Variants in NBEA observed in about 807,000 individuals in gnomAD.
NBEA encodes lysosomal-trafficking regulator 2.
In NBEA, 44 loss-of-function variants were observed where a neutral mutation model predicts 343.4. The observed-to-expected ratio is 0.13, with a 90% CI of 0.10 to 0.16. The LOEUF (loss-of-function observed/expected upper bound fraction) is 0.16. Ranked by LOEUF, NBEA falls within the 10% of genes least tolerant of loss-of-function variation. The pLI is 1.00. For missense variants in NBEA, 2,555 were observed against 3,631.3 expected, an observed-to-expected ratio of 0.70 and a Z score of 7.62; for synonymous variants, 1,175 against 1,238.7, an observed-to-expected ratio of 0.95 and a Z score of 1.08.
intron 33 of NBEA, among the ~76,000 whole-genome samples, chr13:35,227,365 A>G (rs2074712455): frequency 6.6e-6 from 1 of 152,050 alleles, no homozygotes; most frequent in African/African-American, 2.4e-5. Flanking sequence ...AGCTGATAAG[A>G]ATTTAACTTT....
At chr13:35,029,402 G>A (rs2062126418) in intron 1 of NBEA, among the ~76,000 whole-genome samples, 1 of 151,378 alleles carries the variant, frequency 6.6e-6, no homozygotes, top group African/African-American at 2.4e-5. Flanking sequence ...GTTTGAGAGG[G>A]AACCCTGTAT....
At chr13:35,496,484 C>T (rs2076681513) in intron 41 of NBEA, among the ~76,000 whole-genome samples, 1 of 151,382 alleles carries the variant, frequency 6.6e-6, no homozygotes, top group Admixed American at 6.6e-5. Flanking sequence ...AAATGAAAAC[C>T]TTAGCCAGGC....
intron 42 of NBEA, 25 bp from the exon 43 acceptor site, chr13:35,550,903 ACT>A (rs1422785072): frequency 1.4e-6 from 2 of 1,441,096 alleles, no homozygotes; most frequent in Non-Finnish European, 1.9e-6. Context: ...GGTTTTCTAA[ACT>A]CTGTTTTTTT....
chr13:35,476,670 A>C, intron 41 of NBEA: 1 of 692,450 alleles, frequency 1.4e-6, no homozygotes, highest in Non-Finnish European at 2.0e-6. Flanking sequence ...ATGTCAGAAG[A>C]AGCTGCTGTT....
intron 8 of NBEA, among the ~76,000 whole-genome samples, chr13:35,066,795 C>T (rs1224076436): frequency 6.6e-6 from 1 of 151,536 alleles, no homozygotes; most frequent in African/African-American, 2.4e-5. Flanking sequence ...ATTAGGTTTC[C>T]ATCTGTCATT....
intron 37 of NBEA, 140 bp downstream of exon 37, chr13:35,349,356 G>A (rs1269755229): frequency 2.2e-5 from 11 of 508,494 alleles, no homozygotes; most frequent in South Asian, 3.7e-5. Context: ...AAAAGCTTTA[G>A]TAAATGTCAA....
intron 40 of NBEA, among the ~76,000 whole-genome samples, chr13:35,468,871 G>C (rs557318948): frequency 7.2e-5 from 11 of 152,200 alleles, no homozygotes; most frequent in African/African-American, 2.2e-4. Context: ...TGCCAAGCCA[G>C]GTGGATCAAC....
intron 34 of NBEA, among the ~76,000 whole-genome samples, chr13:35,275,420 A>G (rs914296659): frequency 6.6e-6 from 1 of 152,186 alleles, no homozygotes; most frequent in Non-Finnish European, 1.5e-5. Flanking sequence ...AACATAGGCA[A>G]TACCATTCAG....
intron 41 of NBEA, among the ~76,000 whole-genome samples, chr13:35,522,789 T>C (rs1213668319): frequency 6.6e-6 from 1 of 152,040 alleles, no homozygotes; most frequent in Non-Finnish European, 1.5e-5. Flanking sequence ...ACACTCCCTA[T>C]GAGAATCTAA....
At chr13:35,205,639 A>C (rs1318517907) in intron 31 of NBEA, among the ~76,000 whole-genome samples, 5 of 152,046 alleles carry the variant, frequency 3.3e-5, no homozygotes, top group Non-Finnish European at 7.4e-5. Flanking sequence ...GAGATATGAC[A>C]ATAGCAGAGT....
At chr13:35,004,489 C>G (rs2061250616) in intron 1 of NBEA, among the ~76,000 whole-genome samples, 1 of 152,164 alleles carries the variant, frequency 6.6e-6, no homozygotes, top group African/African-American at 2.4e-5. Context: ...CACTGGACAA[C>G]TAGACTCTGG....
At chr13:35,578,280 G>A (rs59162028) in intron 45 of NBEA, among the ~76,000 whole-genome samples, 24,455 of 152,076 alleles carry the variant, frequency 0.16, 2,345 homozygotes, top group East Asian at 0.28. Flanking sequence ...AAGAGATTTG[G>A]TCAAGTTTAC....
chr13:35,192,438 G>A (rs73505625), intron 30 of NBEA, among the ~76,000 whole-genome samples: 2,746 of 151,862 alleles, frequency 0.018, 84 homozygotes, highest in African/African-American at 0.058. Flanking sequence ...ATATCACAGC[G>A]TGTATGCTTT....
intron 55 of NBEA, among the ~76,000 whole-genome samples, chr13:35,659,540 A>C (rs940538671): frequency 1.3e-5 from 2 of 152,202 alleles, no homozygotes; most frequent in Non-Finnish European, 2.9e-5. Context: ...TATATTGTGA[A>C]GAATGCAGAC....
intron 10 of NBEA, among the ~76,000 whole-genome samples, chr13:35,087,228 A>G (rs144208271): frequency 1.1e-4 from 16 of 151,912 alleles, no homozygotes; most frequent in African/African-American, 3.4e-4. Context: ...TTTGTACTGA[A>G]ACAATAAAAC....
intron 8 of NBEA, among the ~76,000 whole-genome samples, chr13:35,061,823 A>C (rs1383740314): frequency 6.6e-6 from 1 of 151,716 alleles, no homozygotes; most frequent in African/African-American, 2.4e-5. Context: ...AATATAGATA[A>C]CATCTATAGG....
In NBEA at chr13:35,606,592, T is replaced by G. The variant is rs1439019661; in HGVS notation, c.7449+14T>G. On this transcript the variant is annotated intron_variant, in intron 48 of 58. Transcript: ENST00000379939. ...ATCAACAGGATGGTAAGAGAGATTT[T>G]GCTTTTGCTTGGGCAGTCATCAGGG... 1.9e-6 allele frequency: 3 copies of G among 1,580,454 alleles called. No individual in the cohort carries two copies. The highest frequency in any genetic ancestry group is 2.6e-6 in the Non-Finnish European group (3 of 1,159,404).
intron 34 of NBEA, among the ~76,000 whole-genome samples, chr13:35,238,255 C>T (rs1453985053): frequency 1.3e-5 from 2 of 152,008 alleles, no homozygotes; most frequent in African/African-American, 2.4e-5. Context: ...AGTTATGATG[C>T]GGATATAGCA....
At chr13:35,077,231 C>T (rs547194689) in intron 10 of NBEA, among the ~76,000 whole-genome samples, 1 of 152,084 alleles carries the variant, frequency 6.6e-6, no homozygotes, top group Non-Finnish European at 1.5e-5. Flanking sequence ...GTTACCTAGG[C>T]TGGTAACTTC....
Sources: gnomAD v4.1 joint callset for allele counts (sites outside exome capture counted in the v4.1 genomes callset) on GRCh38, gnomAD v4.1.1 for gene constraint, MANE v1.5 for transcripts, NCBI Gene and HGNC (gene_info 2026-07-23, HGNC 2026-07-21) for gene names.